IL1RAPL1: variants seen among roughly 807,000 people sequenced by gnomAD.
IL1RAPL1 encodes interleukin 1 receptor accessory protein like 1, also known as interleukin-1 receptor accessory protein-like 1.
A neutral mutation model predicts 48.4 loss-of-function variants in IL1RAPL1; 3 were observed. That is an observed-to-expected ratio of 0.06 (90% CI 0.03 to 0.16). The LOEUF (loss-of-function observed/expected upper bound fraction) is 0.16, where lower values mean the gene tolerates loss of function less well. Ranked by LOEUF, IL1RAPL1 falls within the 10% of genes least tolerant of loss-of-function variation. IL1RAPL1 has a pLI of 1.00. For missense variants in IL1RAPL1, 349 were observed against 530.6 expected (o/e 0.66, Z 3.36); for synonymous variants, 185 against 187.7 (o/e 0.99, Z 0.12).
intron 3 of IL1RAPL1, among the ~76,000 whole-genome samples, chrX:29,366,592 A>G (rs1364765609): frequency 2.9e-5 from 2 of 68,536 alleles, no homozygotes; most frequent in Non-Finnish European, 4.9e-5. Context: ...TTTTTGAGAC[A>G]GAGTCTCGCT....
intron 9 of IL1RAPL1, among the ~76,000 whole-genome samples, chrX:29,950,065 T>A (rs1223007829): frequency 8.9e-6 from 1 of 111,844 alleles, no homozygotes; most frequent in Non-Finnish European, 1.9e-5. Context: ...CCCATTGGTT[T>A]GAGGATGGTG....
intron 1 of IL1RAPL1, among the ~76,000 whole-genome samples, chrX:28,767,347 CTCTA>C (rs1294683814): frequency 7.2e-5 from 8 of 110,616 alleles, no homozygotes; most frequent in African/African-American, 2.6e-4. Flanking sequence ...ATAGCCTTTT[CTCTA>C]TCTTTGTCAT....
intron 6 of IL1RAPL1, among the ~76,000 whole-genome samples, chrX:29,915,929 G>A (rs1265855620): frequency 4.2e-5 from 3 of 71,934 alleles, no homozygotes; most frequent in Non-Finnish European, 7.5e-5. Context: ...TCCCCAGAGT[G>A]TGATATTCCC....
At chrX:28,674,904 A>G (rs1227903183) in intron 1 of IL1RAPL1, among the ~76,000 whole-genome samples, 6 of 112,179 alleles carry the variant, frequency 5.3e-5, no homozygotes, top group Non-Finnish European at 1.1e-4. Context: ...CAATGCATAC[A>G]CATTTTATAT....
At chrX:29,948,165 T>C (rs761447430) in intron 9 of IL1RAPL1, among the ~76,000 whole-genome samples, 4 of 111,496 alleles carry the variant, frequency 3.6e-5, no homozygotes, top group Admixed American at 1.9e-4. Flanking sequence ...AAATGAGTTA[T>C]ATAAAAAGTT....
At chrX:29,146,548 C>G (rs1929355631) in intron 2 of IL1RAPL1, among the ~76,000 whole-genome samples, 1 of 111,754 alleles carries the variant, frequency 8.9e-6, no homozygotes, top group Admixed American at 9.6e-5. Flanking sequence ...GGACTCTACA[C>G]TAAATCTCAT....
intron 2 of IL1RAPL1, among the ~76,000 whole-genome samples, chrX:29,274,010 A>C (rs1343497946): frequency 2.7e-5 from 3 of 112,053 alleles, no homozygotes; most frequent in Non-Finnish European, 5.6e-5. Context: ...TGGAAAAAAA[A>C]CACATGCAAA....
intron 5 of IL1RAPL1, among the ~76,000 whole-genome samples, chrX:29,435,958 A>ACCTGAGCT (rs1934477472): frequency 9.0e-6 from 1 of 110,555 alleles, no homozygotes; most frequent in Non-Finnish European, 1.9e-5. Context: ...AATTTTCTTG[A>ACCTGAGCT]CCTGAGCTTC....
intron 1 of IL1RAPL1, among the ~76,000 whole-genome samples, chrX:28,779,638 A>ATG (rs1368696480): frequency 0.018 from 697 of 38,737 alleles, 39 homozygotes; most frequent in Admixed American, 0.14. Flanking sequence ...GTGTGTGTAT[A>ATG]TATATATATA....
chrX:29,938,488 G>A (rs1032431786), intron 8 of IL1RAPL1, among the ~76,000 whole-genome samples: 5 of 111,627 alleles, frequency 4.5e-5, no homozygotes, highest in Non-Finnish European at 7.5e-5. Flanking sequence ...ATCTACAGCA[G>A]AGCAGCTTTC....
At chrX:29,345,446 C>T (rs1261396631) in intron 3 of IL1RAPL1, among the ~76,000 whole-genome samples, 1 of 111,766 alleles carries the variant, frequency 8.9e-6, no homozygotes, top group African/African-American at 3.3e-5. Flanking sequence ...CTCTGAAATG[C>T]CCATTGATAA....
At position 28,718,841 on chromosome X, in the gene IL1RAPL1, G is replaced by GAT. The variant is rs1475936164; in HGVS notation, c.-24-70471_-24-70470dup. Among the ~76,000 whole-genome samples, 5 of 111,138 alleles carry GAT rather than the reference G, an allele frequency of 4.5e-5. No individual in the cohort carries two copies. In the East Asian group the frequency reaches 1.4e-3, roughly 31 times the overall value. ...TGTAAACAGAAAAATAAGATAGATG[G>GAT]ATATATATAGATAAATACATAAAAC... On this transcript the variant is annotated intron_variant, in intron 1 of 10. Coordinates refer to ENST00000378993, the MANE Select transcript of IL1RAPL1 (RefSeq NM_014271.4).
At chrX:29,827,763 A>G (rs937554348) in intron 6 of IL1RAPL1, among the ~76,000 whole-genome samples, 1 of 112,712 alleles carries the variant, frequency 8.9e-6, no homozygotes, top group Non-Finnish European at 1.9e-5. Flanking sequence ...AATCTATTCA[A>G]TGGGAATAAT....
At chrX:29,448,543 T>C (rs1934638178) in intron 5 of IL1RAPL1, among the ~76,000 whole-genome samples, 1 of 112,065 alleles carries the variant, frequency 8.9e-6, no homozygotes, top group Admixed American at 9.5e-5. Flanking sequence ...ACATGCATAA[T>C]ACAGAATCAG....
At chrX:29,262,852 A>G (rs922145168) in intron 2 of IL1RAPL1, among the ~76,000 whole-genome samples, 1 of 111,214 alleles carries the variant, frequency 9.0e-6, no homozygotes, top group Non-Finnish European at 1.9e-5. Flanking sequence ...GTAAAATCCA[A>G]TAGGTAATCA....
chrX:28,965,638 G>A (rs1776462838), intron 2 of IL1RAPL1, among the ~76,000 whole-genome samples: 1 of 111,223 alleles, frequency 9.0e-6, no homozygotes, highest in South Asian at 3.7e-4. Context: ...TATAAGATTG[G>A]CATTGATTTC....
chrX:29,551,421 TACTA>T (rs1186864636), intron 5 of IL1RAPL1, among the ~76,000 whole-genome samples: 2 of 112,279 alleles, frequency 1.8e-5, no homozygotes, highest in African/African-American at 6.5e-5. Flanking sequence ...TCTTTTAGGA[TACTA>T]ACTATTACAT....
intron 6 of IL1RAPL1, among the ~76,000 whole-genome samples, chrX:29,672,808 C>T (rs1926175560): frequency 8.9e-6 from 1 of 111,773 alleles, no homozygotes; most frequent in Admixed American, 9.5e-5. Context: ...CCCAACCGTG[C>T]TCTTATTTTT....
At chrX:29,724,958 G>T in intron 6 of IL1RAPL1, among the ~76,000 whole-genome samples, 1 of 111,049 alleles carries the variant, frequency 9.0e-6, no homozygotes, top group Non-Finnish European at 1.9e-5. Flanking sequence ...GAGAGGAGTG[G>T]GAATCCTCAA....
Sources: allele counts gnomAD v4.1 joint callset (sites outside exome capture counted in the v4.1 genomes callset), GRCh38; gene constraint gnomAD v4.1.1; transcripts MANE v1.5; gene names NCBI Gene and HGNC (gene_info 2026-07-23, HGNC 2026-07-21).